ROBO1: variants seen among roughly 807,000 people sequenced by gnomAD.
ROBO1 encodes roundabout homolog 1.
In ROBO1, 149 loss-of-function variants were observed where a neutral mutation model predicts 195.9. That is an observed-to-expected ratio of 0.76 (90% CI 0.67 to 0.87). The LOEUF is 0.87. Among genes scored for constraint, ROBO1 ranks in the 40% least tolerant of loss-of-function variants. The pLI is 0.00. For missense variants in ROBO1, 1,933 were observed against 2,068.3 expected, an observed-to-expected ratio of 0.93 and a Z score of 1.27; for synonymous variants, 816 against 733.2, an observed-to-expected ratio of 1.11 and a Z score of -1.82.
intron 4 of ROBO1, among the ~76,000 whole-genome samples, chr3:78,903,280 T>C (rs999693806): frequency 2.0e-5 from 3 of 152,076 alleles, no homozygotes; most frequent in African/African-American, 7.2e-5. Flanking sequence ...GTCTTTCAAT[T>C]TGGGAAACAG....
At chr3:79,207,570 G>C (rs762998895) in intron 2 of ROBO1, among the ~76,000 whole-genome samples, 1 of 152,120 alleles carries the variant, frequency 6.6e-6, no homozygotes, top group Non-Finnish European at 1.5e-5. Context: ...GTGAGAGCTT[G>C]ATTTTTAGGT....
intron 3 of ROBO1, among the ~76,000 whole-genome samples, chr3:79,005,290 A>T (rs1468349041): frequency 1.3e-5 from 2 of 152,122 alleles, no homozygotes; most frequent in Non-Finnish European, 2.9e-5. Flanking sequence ...AGCGTCTCAT[A>T]TGATTCCTGA....
intron 2 of ROBO1, among the ~76,000 whole-genome samples, chr3:79,238,709 T>C (rs957231573): frequency 5.9e-5 from 9 of 152,210 alleles, no homozygotes; most frequent in Admixed American, 1.3e-4. Context: ...GGCAAAAACC[T>C]AGGGATCACA....
chr3:78,979,036 C>A (rs888096054), intron 3 of ROBO1, among the ~76,000 whole-genome samples: 2 of 152,168 alleles, frequency 1.3e-5, no homozygotes, highest in African/African-American at 4.8e-5. Context: ...AAACACATCA[C>A]CAAGTGCCTA....
At chr3:79,126,356 C>T (rs551511478) in intron 2 of ROBO1, among the ~76,000 whole-genome samples, 2 of 152,082 alleles carry the variant, frequency 1.3e-5, no homozygotes, top group East Asian at 1.9e-4. Flanking sequence ...AATTTTCCCA[C>T]GCAGAATTTT....
At chr3:79,556,008 A>G (rs59466717) in intron 2 of ROBO1, among the ~76,000 whole-genome samples, 2,204 of 152,222 alleles carry the variant, frequency 0.014, 41 homozygotes, top group African/African-American at 0.049. Flanking sequence ...TAATTCTCTA[A>G]GAATTAATAT....
rs991608052 is a variant in ROBO1, at chr3:78,597,346, C to T, written c.*1567G>A. Reference sequence around the variant, plus strand: ...AAAAATAAGGGGCTTCTTACATGAACATAATGAAAACATTAATCACATGGA... The same window carrying T: ...AAAAATAAGGGGCTTCTTACATGAATATAATGAAAACATTAATCACATGGA... On this transcript the variant is annotated 3_prime_UTR_variant, in exon 31 of 31. Coordinates refer to ENST00000464233, the MANE Select transcript of ROBO1 (RefSeq NM_002941.4). 6.6e-6 allele frequency: 1 copy of T among 152,520 alleles called. No individual in the cohort carries two copies. Among genetic ancestry groups the T allele is most frequent in the Non-Finnish European group, 1.5e-5 (1 of 67,986 alleles). 9.4% of individuals were successfully genotyped at this position (152,520 alleles called of 1,614,324 possible).
chr3:78,727,851 CTAAGTG>C (rs2082200952), intron 5 of ROBO1, among the ~76,000 whole-genome samples: 1 of 151,890 alleles, frequency 6.6e-6, no homozygotes, highest in Non-Finnish European at 1.5e-5. Context: ...ACCAATACTT[CTAAGTG>C]TAAGAACAAA....
intron 4 of ROBO1, among the ~76,000 whole-genome samples, chr3:78,862,114 C>G (rs1478172146): frequency 1.3e-5 from 2 of 152,084 alleles, no homozygotes; most frequent in African/African-American, 4.8e-5. Context: ...CCCATCTAAT[C>G]ACAGGAGCTC....
chr3:79,032,716 G>A (rs2078317755), intron 3 of ROBO1, among the ~76,000 whole-genome samples: 1 of 151,950 alleles, frequency 6.6e-6, no homozygotes, highest in Admixed American at 6.6e-5. Context: ...GTTCACTATA[G>A]TCATAATAAA....
At chr3:78,948,702 T>C (rs2040596188) in intron 3 of ROBO1, among the ~76,000 whole-genome samples, 1 of 152,176 alleles carries the variant, frequency 6.6e-6, no homozygotes, top group Admixed American at 6.6e-5. Flanking sequence ...GGTATTCAAT[T>C]AGGAAAAGAG....
intron 2 of ROBO1, among the ~76,000 whole-genome samples, chr3:79,436,629 C>G (rs2038898388): frequency 6.6e-6 from 1 of 152,126 alleles, no homozygotes; most frequent in African/African-American, 2.4e-5. Context: ...TGACAGAGCT[C>G]TCAGATTTCT....
intron 1 of ROBO1, among the ~76,000 whole-genome samples, chr3:79,678,917 T>C (rs557189497): frequency 6.6e-6 from 1 of 152,230 alleles, no homozygotes; most frequent in African/African-American, 2.4e-5. Flanking sequence ...CATGCTCTTT[T>C]ATAAAACACT....
intron 2 of ROBO1, among the ~76,000 whole-genome samples, chr3:79,397,728 T>G (rs1477325854): frequency 6.6e-6 from 1 of 152,138 alleles, no homozygotes; most frequent in African/African-American, 2.4e-5. Context: ...AAAAGCCACA[T>G]GCCAGGCAAT....
At chr3:79,577,641 C>A (rs1943530029) in intron 2 of ROBO1, among the ~76,000 whole-genome samples, 1 of 151,454 alleles carries the variant, frequency 6.6e-6, no homozygotes, top group Non-Finnish European at 1.5e-5. Flanking sequence ...TATGGGAGGC[C>A]AAGGCGGGCA....
intron 1 of ROBO1, among the ~76,000 whole-genome samples, chr3:79,692,585 A>G (rs1160410195): frequency 1.3e-5 from 2 of 151,858 alleles, no homozygotes; most frequent in Non-Finnish European, 2.9e-5. Context: ...CAAGTCCTGC[A>G]GGATCTCACG....
At chr3:79,760,474 A>G (rs1283889750) in intron 1 of ROBO1, among the ~76,000 whole-genome samples, 6 of 147,156 alleles carry the variant, frequency 4.1e-5, no homozygotes, top group African/African-American at 1.5e-4. Flanking sequence ...ACAGCCTAGG[A>G]AAATATATTT....
chr3:79,049,568 A>G (rs775878250), intron 3 of ROBO1, among the ~76,000 whole-genome samples: 37 of 152,142 alleles, frequency 2.4e-4, no homozygotes, highest in Non-Finnish European at 5.1e-4. Context: ...ATACTCCTCG[A>G]GAAGAGCAAC....
chr3:79,263,133 C>T (rs557046104), intron 2 of ROBO1, among the ~76,000 whole-genome samples: 12 of 152,164 alleles, frequency 7.9e-5, no homozygotes, highest in Non-Finnish European at 1.8e-4. Flanking sequence ...CTTCAATTTT[C>T]CTGCAGCTAT....
Sources: gnomAD v4.1 joint callset for allele counts (sites outside exome capture counted in the v4.1 genomes callset) on GRCh38, gnomAD v4.1.1 for gene constraint, MANE v1.5 for transcripts, NCBI Gene and HGNC (gene_info 2026-07-23, HGNC 2026-07-21) for gene names.